CLDN9: variants seen among roughly 807,000 people sequenced by gnomAD.
CLDN9 encodes the protein claudin 9.
In CLDN9, 14 loss-of-function variants were observed where a neutral mutation model predicts 10.1. The ratio of observed to expected loss-of-function variants is 1.38; its 90% CI spans 0.91 to 2.16. The LOEUF is 2.16. Among genes scored for constraint, CLDN9 ranks in the 30% most tolerant of loss-of-function variants. The probability of loss-of-function intolerance (pLI) is 0.00; values close to 1 mark genes in which losing one functional copy is unlikely to be tolerated. For missense variants in CLDN9, 332 were observed against 294.8 expected (o/e 1.13, Z -0.93); for synonymous variants, 162 against 143.1 (o/e 1.13, Z -0.95).
At position 3,013,488 on chromosome 16, in the gene CLDN9, G is replaced by A. The variant is rs762719346; in HGVS notation, c.126G>A (p.Val42=). The A allele has an allele frequency of 9.9e-6, 16 of 1,613,882 alleles. No homozygotes were observed. The Admixed American group carries it at 1.8e-4, about 18-fold the overall frequency. The part of the protein sequence containing the change: ...VTAFIGNSIV[V]AQVVWEGLWM... ...CCTTCATCGGCAACAGCATCGTGGT[G>A]GCCCAGGTGGTGTGGGAGGGCCTGT... is the stretch of plus-strand genomic sequence containing the variant. Residue 42 remains valine, a synonymous_variant, in exon 1 of 1, where the codon GTG becomes GTA. Coordinates refer to ENST00000445369, the MANE Select transcript of CLDN9 (RefSeq NM_020982.4). This position sits in a 1 kb window ranked among gnomAD's most constrained non-coding sequence, Gnocchi z 6.4.
chr16:3,013,657 A>C lies in CLDN9; in HGVS notation c.295A>C (p.Ile99Leu). ...GGCCCTGCTTGGCCTCCTGGTGGCC[A>C]TCACAGGTGCCCAGTGTACCACGTG... ...LLALLGLLVA[I>L]TGAQCTTCVE... Residue 99 changes from isoleucine (I) to leucine (L), a missense_variant, in exon 1 of 1, where the codon ATC (isoleucine) becomes CTC (leucine). Ile to Leu is a conservative substitution (Grantham distance 5). Transcript: ENST00000445369. This position sits in a 1 kb window ranked among gnomAD's most constrained non-coding sequence, Gnocchi z 6.4. 1 of 1,613,912 alleles carries C rather than the reference A, an allele frequency of 6.2e-7. No homozygotes were observed. The highest frequency in any genetic ancestry group is 8.5e-7 in the Non-Finnish European group (1 of 1,179,982).
chr16:3,013,932 C>A lies in CLDN9; in HGVS notation c.570C>A (p.Val190=). 6.3e-7 allele frequency: 1 copy of A among 1,581,556 alleles called. No homozygotes were observed. Among genetic ancestry groups the A allele is most frequent in the Non-Finnish European group, 8.6e-7 (1 of 1,166,562 alleles). Reference sequence around the variant, plus strand: ...GCTGCACGTGCCCCCCGCCCCAGGTCGAGCGGCCCCGCGGACCTCGGCTGG... The same window carrying A: ...GCTGCACGTGCCCCCCGCCCCAGGTAGAGCGGCCCCGCGGACCTCGGCTGG... The part of the protein sequence containing the change: ...LLCCTCPPPQ[V]ERPRGPRLGY... The change falls in exon 1 of 1, where the codon GTC becomes GTA. Residue 190 remains valine (V), a synonymous_variant. Transcript: ENST00000445369. The surrounding 1 kb of genome is among the most constrained non-coding windows in gnomAD (Gnocchi z 6.4).
In CLDN9 at chr16:3,013,978, T is replaced by C. The variant is rs767658793; in HGVS notation, c.616T>C (p.Ser206Pro). ...PRLGYSIPSR[S>P]GASGLDKRDY... ...GCTGGGCTACTCCATCCCCTCCCGC[T>C]CGGGTGCATCTGGACTGGACAAGAG... The change falls in exon 1 of 1, where the codon TCG (serine) becomes CCG (proline). Residue 206 changes from serine (S) to proline (P), a missense_variant. Physicochemically the swap from Ser to Pro is moderately conservative, Grantham distance 74 (BLOSUM62 -1). Coordinates refer to ENST00000445369, the MANE Select transcript of CLDN9 (RefSeq NM_020982.4). This position sits in a 1 kb window ranked among gnomAD's most constrained non-coding sequence, Gnocchi z 6.4. The C allele has an allele frequency of 6.5e-7, 1 of 1,535,360 alleles. No homozygotes were observed. Among genetic ancestry groups the C allele is most frequent in the Admixed American group, 2.2e-5 (1 of 46,294 alleles).
In CLDN9 at chr16:3,014,221, C is replaced by A. The variant is rs567507490; in HGVS notation, c.*205C>A. 61 of 551,918 alleles carry A rather than the reference C, an allele frequency of 1.1e-4. No individual in the cohort carries two copies. Among genetic ancestry groups the A allele is most frequent in the Non-Finnish European group, 9.5e-6 (3 of 316,614 alleles). The allele number at this position is 551,918 out of a possible 1,614,324, so 34.2% of individuals were successfully genotyped here. ...TGGGGTCCCCTTTGATGTTCTCCCC[C>A]AAGTTGGGCAGCCTAGAGGTGTTGG... On this transcript the variant is annotated 3_prime_UTR_variant, in exon 1 of 1. Coordinates refer to ENST00000445369, the MANE Select transcript of CLDN9 (RefSeq NM_020982.4).
chr16:3,014,047 C>A lies in CLDN9; in HGVS notation c.*31C>A, dbSNP rs769414026. 1 of 1,509,500 alleles carries A rather than the reference C, an allele frequency of 6.6e-7. No homozygotes were observed. The highest frequency in any genetic ancestry group is 1.3e-5 in the South Asian group (1 of 74,166). The allele number at this position is 1,509,500 out of a possible 1,614,324, so 93.5% of individuals were successfully genotyped here. On this transcript the variant is annotated 3_prime_UTR_variant, in exon 1 of 1. Coordinates refer to ENST00000445369, the MANE Select transcript of CLDN9 (RefSeq NM_020982.4). ...AGGTTTCCCCTGGGAGCCCACTGCT[C>A]CCCACTGCCCCGCCCTTTCGACCTT... is the stretch of plus-strand genomic sequence containing the variant.
At position 3,013,625 on chromosome 16, in the gene CLDN9, T is replaced by C. The variant is rs750418823; in HGVS notation, c.263T>C (p.Leu88Pro). The C allele has an allele frequency of 6.2e-7, 1 of 1,613,892 alleles. No individual in the cohort carries two copies. Among genetic ancestry groups the C allele is most frequent in the African/African-American group, 1.3e-5 (1 of 74,910 alleles). The change falls in exon 1 of 1, where the codon CTC becomes CCC. Residue 88 changes from leucine (L) to proline (P), a missense_variant. Coordinates refer to ENST00000445369, the MANE Select transcript of CLDN9 (RefSeq NM_020982.4). This position sits in a 1 kb window ranked among gnomAD's most constrained non-coding sequence, Gnocchi z 6.4. ...QAARALCVIA[L>P]LLALLGLLVA... Reference sequence around the variant, plus strand: ...GCACGTGCCCTCTGTGTCATTGCCCTCCTGCTGGCCCTGCTTGGCCTCCTG... The same window carrying C: ...GCACGTGCCCTCTGTGTCATTGCCCCCCTGCTGGCCCTGCTTGGCCTCCTG...
rs527630332 is a variant in CLDN9 at position 3,014,230 on chromosome 16, C to G, written c.*214C>G. On this transcript the variant is annotated 3_prime_UTR_variant, in exon 1 of 1. Transcript: ENST00000445369. ...CTTTGATGTTCTCCCCCAAGTTGGG[C>G]AGCCTAGAGGTGTTGGGAACCCTGG... 3.2e-5 allele frequency: 17 copies of G among 537,270 alleles called. No individual in the cohort carries two copies. In the South Asian group the frequency reaches 6.2e-4, roughly 19 times the overall value. 33.3% of individuals were successfully genotyped at this position (537,270 alleles called of 1,614,324 possible). A position where few individuals can be genotyped will look rare whatever the true frequency, so the allele number is the denominator to read the frequency against.
chr16:3,014,090 C>A lies in CLDN9; in HGVS notation c.*74C>A. ...TCGACCTTGGCCTGATGACCAGATG[C>A]CCTGCTCCATCACAACCTCCTTCCC... On this transcript the variant is annotated 3_prime_UTR_variant, in exon 1 of 1. Transcript: ENST00000445369. 1 of 1,436,618 alleles carries A rather than the reference C, an allele frequency of 7.0e-7. No individual in the cohort carries two copies. 89.0% of individuals were successfully genotyped at this position (1,436,618 alleles called of 1,614,324 possible).
At position 3,013,681 on chromosome 16, in the gene CLDN9, T is replaced by C. The variant is rs199692917; in HGVS notation, c.319T>C (p.Cys107Arg). 1.9e-6 allele frequency: 3 copies of C among 1,613,910 alleles called. No homozygotes were observed. Among genetic ancestry groups the C allele is most frequent in the South Asian group, 2.2e-5 (2 of 91,084 alleles). Residue 107 changes from cysteine (C) to arginine (R), a missense_variant, in exon 1 of 1, where the codon TGT becomes CGT. Coordinates refer to ENST00000445369, the MANE Select transcript of CLDN9 (RefSeq NM_020982.4). The surrounding 1 kb of genome is among the most constrained non-coding windows in gnomAD (Gnocchi z 6.4). The part of the protein sequence containing the change: ...VAITGAQCTT[C>R]VEDEGAKARI... Reference sequence around the variant, plus strand: ...CATCACAGGTGCCCAGTGTACCACGTGTGTGGAGGACGAAGGTGCCAAGGC... The same window carrying C: ...CATCACAGGTGCCCAGTGTACCACGCGTGTGGAGGACGAAGGTGCCAAGGC...
Position 3,014,111 on chromosome 16 carries a change from T to G in CLDN9, c.*95T>G. On this transcript the variant is annotated 3_prime_UTR_variant, in exon 1 of 1. Coordinates refer to ENST00000445369, the MANE Select transcript of CLDN9 (RefSeq NM_020982.4). Reference sequence around the variant, plus strand: ...GATGCCCTGCTCCATCACAACCTCCTTCCCCAGGAAAACCCACTTTCCAAA... The same window carrying G: ...GATGCCCTGCTCCATCACAACCTCCGTCCCCAGGAAAACCCACTTTCCAAA... The G allele has an allele frequency of 2.9e-5, 39 of 1,346,172 alleles. No homozygotes were observed. Among genetic ancestry groups the G allele is most frequent in the Non-Finnish European group, 3.6e-5 (36 of 997,552 alleles). 83.4% of individuals were successfully genotyped at this position (1,346,172 alleles called of 1,614,324 possible). A position where few individuals can be genotyped will look rare whatever the true frequency, so the allele number is the denominator to read the frequency against.
chr16:3,013,129 C>T lies in CLDN9; in HGVS notation c.-234C>T, dbSNP rs1188676254. The T allele has an allele frequency of 3.5e-6, 2 of 564,488 alleles. No homozygotes were observed. The highest frequency in any genetic ancestry group is 6.3e-6 in the Non-Finnish European group (2 of 317,648). The allele number at this position is 564,488 out of a possible 1,614,324, so 35.0% of individuals were successfully genotyped here. A position where few individuals can be genotyped will look rare whatever the true frequency, so the allele number is the denominator to read the frequency against. On this transcript the variant is annotated 5_prime_UTR_variant, in exon 1 of 1. Coordinates refer to ENST00000445369, the MANE Select transcript of CLDN9 (RefSeq NM_020982.4). The surrounding 1 kb of genome is among the most constrained non-coding windows in gnomAD (Gnocchi z 6.4). ...AGGTGACACCCACCACTCAGCCGAG[C>T]GGGACTACGAGTCTGCTTTGTGCTC...
Position 3,014,205 on chromosome 16 carries a change from C to A in CLDN9, c.*189C>A. 1.7e-6 allele frequency: 1 copy of A among 602,796 alleles called. No homozygotes were observed. The highest frequency in any genetic ancestry group is 3.1e-5 in the South Asian group (1 of 32,200). 37.3% of individuals were successfully genotyped at this position (602,796 alleles called of 1,614,324 possible). On this transcript the variant is annotated 3_prime_UTR_variant, in exon 1 of 1. Transcript: ENST00000445369. Reference sequence around the variant, plus strand: ...GCTGAGCTCTTCTCAGTGGGGTCCCCTTTGATGTTCTCCCCCAAGTTGGGC... The same window carrying A: ...GCTGAGCTCTTCTCAGTGGGGTCCCATTTGATGTTCTCCCCCAAGTTGGGC...
In CLDN9 at chr16:3,013,428, G is replaced by C. The variant is rs1037040024; in HGVS notation, c.66G>C (p.Leu22=). The change falls in exon 1 of 1, where the codon CTG becomes CTC. Residue 22 remains leucine, a synonymous_variant. Coordinates refer to ENST00000445369, the MANE Select transcript of CLDN9 (RefSeq NM_020982.4). The surrounding 1 kb of genome is among the most constrained non-coding windows in gnomAD (Gnocchi z 6.4). ...CTGTGCTGGGCTGGCTGGGGACCCTGGTGTCCTGCGCCCTGCCCCTGTGGA... is the reference window on the plus strand; with the variant it reads ...CTGTGCTGGGCTGGCTGGGGACCCTCGTGTCCTGCGCCCTGCCCCTGTGGA... ...TLAVLGWLGT[L]VSCALPLWKV... 3.1e-6 allele frequency: 5 copies of C among 1,613,964 alleles called. No individual in the cohort carries two copies. The highest frequency in any genetic ancestry group is 4.2e-6 in the Non-Finnish European group (5 of 1,180,024).
chr16:3,014,316 C>T lies in CLDN9; in HGVS notation c.*300C>T. 3.2e-6 allele frequency: 1 copy of T among 316,062 alleles called. No homozygotes were observed. The highest frequency in any genetic ancestry group is 6.1e-6 in the Non-Finnish European group (1 of 163,190). 19.6% of individuals were successfully genotyped at this position (316,062 alleles called of 1,614,324 possible). A position where few individuals can be genotyped will look rare whatever the true frequency, so the allele number is the denominator to read the frequency against. ...TTGCCCAGGACACTGGCTGGCCTTCCTTCTCTTCTGAGCCCTCCCCTGCCC... is the reference window on the plus strand; with the variant it reads ...TTGCCCAGGACACTGGCTGGCCTTCTTTCTCTTCTGAGCCCTCCCCTGCCC... On this transcript the variant is annotated 3_prime_UTR_variant, in exon 1 of 1. Transcript: ENST00000445369.
In CLDN9 at chr16:3,013,277, C is replaced by G; in HGVS notation, c.-86C>G. ...AACAAGCCTTCCCCCTCCTGCTGGA[C>G]ACAGAGACACCCACCCAGCACACCA... On this transcript the variant is annotated 5_prime_UTR_variant, in exon 1 of 1. Transcript: ENST00000445369. The surrounding 1 kb of genome is among the most constrained non-coding windows in gnomAD (Gnocchi z 6.4). 1 of 1,444,366 alleles carries G rather than the reference C, an allele frequency of 6.9e-7. No homozygotes were observed. The highest frequency in any genetic ancestry group is 1.3e-5 in the South Asian group (1 of 74,968). The allele number at this position is 1,444,366 out of a possible 1,614,324, so 89.5% of individuals were successfully genotyped here. A position where few individuals can be genotyped will look rare whatever the true frequency, so the allele number is the denominator to read the frequency against.
At position 3,013,832 on chromosome 16, in the gene CLDN9, A is replaced by G. The variant is rs2072546001; in HGVS notation, c.470A>G (p.Lys157Arg). The change falls in exon 1 of 1, where the codon AAG (lysine) becomes AGG (arginine). Residue 157 changes from lysine to arginine, a missense_variant. By Grantham distance (26) the Lys-to-Arg change is conservative. Transcript: ENST00000445369. The surrounding 1 kb of genome is among the most constrained non-coding windows in gnomAD (Gnocchi z 6.4). Reference protein sequence around the residue: ...FYNPLVAEALKRELGASLYLG... With the variant: ...FYNPLVAEALRRELGASLYLG... Reference sequence around the variant, plus strand: ...AACCCCCTGGTGGCTGAGGCCCTCAAGCGGGAGCTGGGGGCCTCCCTCTAC... The same window carrying G: ...AACCCCCTGGTGGCTGAGGCCCTCAGGCGGGAGCTGGGGGCCTCCCTCTAC... 2 of 1,612,530 alleles carry G rather than the reference A, an allele frequency of 1.2e-6. No individual in the cohort carries two copies. The highest frequency in any genetic ancestry group is 1.3e-5 in the African/African-American group (1 of 74,904).
At position 3,013,785 on chromosome 16, in the gene CLDN9, C is replaced by G; in HGVS notation, c.423C>G (p.His141Gln). 1 of 1,613,316 alleles carries G rather than the reference C, an allele frequency of 6.2e-7. No homozygotes were observed. Among genetic ancestry groups the G allele is most frequent in the Non-Finnish European group, 8.5e-7 (1 of 1,179,960 alleles). The change falls in exon 1 of 1, where the codon CAC (histidine) becomes CAG (glutamine). Residue 141 changes from histidine (H) to glutamine (Q), a missense_variant. Physicochemically the swap from His to Gln is conservative, Grantham distance 24. Coordinates refer to ENST00000445369, the MANE Select transcript of CLDN9 (RefSeq NM_020982.4). This position sits in a 1 kb window ranked among gnomAD's most constrained non-coding sequence, Gnocchi z 6.4. ...TCATCCCTGTGTGCTGGACGGCGCA[C>G]GCCATCATCCAGGACTTCTACAACC... ...LVLIPVCWTA[H>Q]AIIQDFYNPL...
At position 3,013,914 on chromosome 16, in the gene CLDN9, G is replaced by C. The variant is rs200866651; in HGVS notation, c.552G>C (p.Thr184=). Residue 184 remains threonine, a synonymous_variant, in exon 1 of 1, where the codon ACG becomes ACC. Transcript: ENST00000445369. This position sits in a 1 kb window ranked among gnomAD's most constrained non-coding sequence, Gnocchi z 6.4. ...TGGGCGGGGGGCTCCTCTGCTGCAC[G>C]TGCCCCCCGCCCCAGGTCGAGCGGC... The part of the protein sequence containing the change: ...LMLGGGLLCC[T]CPPPQVERPR... 6.3e-7 allele frequency: 1 copy of C among 1,595,370 alleles called. No homozygotes were observed. The highest frequency in any genetic ancestry group is 1.8e-5 in the Admixed American group (1 of 55,764).
Position 3,013,315 on chromosome 16 carries a change from G to T in CLDN9, c.-48G>T. 1 of 1,560,006 alleles carries T rather than the reference G, an allele frequency of 6.4e-7. No homozygotes were observed. Among genetic ancestry groups the T allele is most frequent in the Non-Finnish European group, 8.6e-7 (1 of 1,156,730 alleles). Reference sequence around the variant, plus strand: ...ACCCAGCACACCAGACACACCCTCTGAGTCACCTAGGCCGCCTGGGGCTGA... The same window carrying T: ...ACCCAGCACACCAGACACACCCTCTTAGTCACCTAGGCCGCCTGGGGCTGA... On this transcript the variant is annotated 5_prime_UTR_variant, in exon 1 of 1. It removes the in-frame stop codon of an upstream open reading frame in the 5' UTR. Coordinates refer to ENST00000445369, the MANE Select transcript of CLDN9 (RefSeq NM_020982.4). The surrounding 1 kb of genome is among the most constrained non-coding windows in gnomAD (Gnocchi z 6.4).
Sources: gnomAD v4.1 joint callset for allele counts on GRCh38, gnomAD v4.1.1 for gene constraint, Gnocchi (gnomAD v3.1) non-coding constraint, MANE v1.5 for transcripts, NCBI Gene and HGNC (gene_info 2026-07-23, HGNC 2026-07-21) for gene names.